The following COL5A3 variants were observed in gnomAD, a reference collection of about 807,000 sequenced individuals.
COL5A3 encodes collagen type V alpha 3 chain, also known as collagen alpha-3(V) chain.
In COL5A3, 172 loss-of-function variants were observed where a neutral mutation model predicts 250.0. The ratio of observed to expected loss-of-function variants is 0.69; its 90% CI spans 0.61 to 0.78. COL5A3 has a LOEUF of 0.78. Ranked by LOEUF, COL5A3 falls within the 30% of genes least tolerant of loss-of-function variation. The probability of loss-of-function intolerance (pLI) is 0.00; values close to 1 mark genes in which losing one functional copy is unlikely to be tolerated. For missense variants in COL5A3, 2,340 were observed against 2,334.4 expected, an observed-to-expected ratio of 1.00 and a Z score of -0.05; for synonymous variants, 937 against 900.4, an observed-to-expected ratio of 1.04 and a Z score of -0.73.
At position 9,979,975 on chromosome 19, in the gene COL5A3, T is replaced by G. The variant is rs1307686614; in HGVS notation, c.2658+19A>C. 1 of 1,579,496 alleles carries G rather than the reference T, an allele frequency of 6.3e-7. No individual in the cohort carries two copies. The highest frequency in any genetic ancestry group is 1.4e-5 in the African/African-American group (1 of 72,428). On this transcript the variant is annotated intron_variant, in intron 36 of 66. Coordinates refer to ENST00000264828, the MANE Select transcript of COL5A3 (RefSeq NM_015719.4). ...CATCCTCCACCCACCCAACCCCCAATGAGGGTGACCTCACTCACAGGGGGG... is the reference window on the plus strand; with the variant it reads ...CATCCTCCACCCACCCAACCCCCAAGGAGGGTGACCTCACTCACAGGGGGG...
chr19:9,989,699 C>G lies in COL5A3; in HGVS notation c.1993-177G>C, dbSNP rs2087158442. On this transcript the variant is annotated intron_variant, in intron 24 of 66. Coordinates refer to ENST00000264828, the MANE Select transcript of COL5A3 (RefSeq NM_015719.4). ...GTGTGACCCCAGGCAAGCCCATTTC[C>G]CTCTCTGATCCTCAGAAATCCACTG... is the stretch of plus-strand genomic sequence containing the variant. 5.3e-5 allele frequency among the ~76,000 whole-genome samples: 8 copies of G among 152,310 alleles called. 1 individual carries two copies. In the South Asian group the frequency reaches 1.7e-3, roughly 32 times the overall value.
intron 10 of COL5A3, among the ~76,000 whole-genome samples, 171 bp downstream of exon 10, chr19:9,997,813 C>T (rs1381324824): frequency 6.6e-6 from 1 of 152,066 alleles, no homozygotes; most frequent in Non-Finnish European, 1.5e-5. Flanking sequence ...CTATGTTGCC[C>T]AGTCTCTATA....
At chr19:10,006,300 G>A in intron 1 of COL5A3, 69 bp from the exon 2 acceptor site, 6 of 1,428,566 alleles carry the variant, frequency 4.2e-6, no homozygotes, top group Non-Finnish European at 5.6e-6. Flanking sequence ...CAGGACTCCA[G>A]GATAGAGGCT....
At position 9,962,835 on chromosome 19, in the gene COL5A3, A is replaced by G. The variant is rs775470366; in HGVS notation, c.4835T>C (p.Phe1612Ser). ...KEKPGGWYST[F>S]RRGKKFSYVD... ...GTGACTCACCTTCTTCCCTCGACGG[A>G]ATGTGCTATACCAGCCTCCAGGCTT... Residue 1612 changes from phenylalanine to serine, a missense_variant, in exon 65 of 67, where the codon TTC becomes TCC. Coordinates refer to ENST00000264828, the MANE Select transcript of COL5A3 (RefSeq NM_015719.4). The G allele has an allele frequency of 6.2e-7, 1 of 1,611,034 alleles. No homozygotes were observed. Among genetic ancestry groups the G allele is most frequent in the Non-Finnish European group, 8.5e-7 (1 of 1,178,640 alleles).
intron 31 of COL5A3, among the ~76,000 whole-genome samples, chr19:9,983,600 G>GAAAGAAAGAGAA (rs1278817642): frequency 1.9e-3 from 149 of 76,980 alleles, no homozygotes; most frequent in Non-Finnish European, 2.6e-3. Flanking sequence ...AAGAAAGAAA[G>GAAAGAAAGAGAA]AGAAAGAGAG....
chr19:9,982,238 C>G lies in COL5A3; in HGVS notation c.2407-120G>C, dbSNP rs1392282106. On this transcript the variant is annotated intron_variant, in intron 31 of 66. Transcript: ENST00000264828. ...CACTGATTCCAGAAGCTTCCTTGGT[C>G]TCTACAGCCCCAGCCTCCTACAAGG... The G allele has an allele frequency of 1.2e-5, 8 of 646,824 alleles. No homozygotes were observed. The African/African-American group carries it at 1.5e-4, about 12-fold the overall frequency. The allele number at this position is 646,824 out of a possible 1,614,324, so 40.1% of individuals were successfully genotyped here. A position where few individuals can be genotyped will look rare whatever the true frequency, so the allele number is the denominator to read the frequency against.
At position 9,968,663 on chromosome 19, in the gene COL5A3, T is replaced by C. The variant is rs2086788785; in HGVS notation, c.4206+12A>G. On this transcript the variant is annotated intron_variant, in intron 58 of 66. Coordinates refer to ENST00000264828, the MANE Select transcript of COL5A3 (RefSeq NM_015719.4). This position sits in a 1 kb window ranked among gnomAD's most constrained non-coding sequence, Gnocchi z 4.1. ...GGAGATGGGGAAGAGAATAATGGAA[T>C]GATGTCCTTACCTTTTCCCCCTTGG... The C allele has an allele frequency of 1.9e-6, 3 of 1,607,694 alleles. No homozygotes were observed. Among genetic ancestry groups the C allele is most frequent in the Non-Finnish European group, 2.5e-6 (3 of 1,177,318 alleles).
intron 31 of COL5A3, among the ~76,000 whole-genome samples, chr19:9,984,916 C>T (rs1223602626): frequency 1.3e-5 from 2 of 151,052 alleles, no homozygotes; most frequent in Non-Finnish European, 2.9e-5. Flanking sequence ...CTCAGCCTCC[C>T]AAGTAGCTGG....
intron 45 of COL5A3, 22 bp from the exon 46 acceptor site, chr19:9,974,430 C>T (rs747414817): frequency 1.9e-5 from 29 of 1,544,122 alleles, no homozygotes; most frequent in Middle Eastern, 3.5e-4. Flanking sequence ...CAAACAGGGG[C>T]ACATTTAAGG....
intron 66 of COL5A3, 37 bp downstream of exon 66, chr19:9,960,614 C>A: frequency 6.2e-7 from 1 of 1,613,594 alleles, no homozygotes; most frequent in South Asian, 1.1e-5. Flanking sequence ...GACATCTTGC[C>A]TCCCCTCTCT....
chr19:9,995,734 G>C lies in COL5A3; in HGVS notation c.1534-117C>G, dbSNP rs1405767606. 4.0e-6 allele frequency: 3 copies of C among 747,822 alleles called. No individual in the cohort carries two copies. In the East Asian group the frequency reaches 8.3e-5, roughly 21 times the overall value. 46.3% of individuals were successfully genotyped at this position (747,822 alleles called of 1,614,324 possible). On this transcript the variant is annotated intron_variant, in intron 15 of 66. Transcript: ENST00000264828. ...GCTGTATTGCCCAGGCCAGACACCT[G>C]GGCTCAAGCAATACTCCCTCCTCAG... is the stretch of plus-strand genomic sequence containing the variant.
rs1489888143 is a variant in COL5A3, at chr19:9,986,728, C to T, written c.2176G>A (p.Glu726Lys). ...GTSGNRGLQG[E>K]KGEKGEDGFP... is the part of the protein sequence containing the mutation. ...TCTCTCCTCACCTTCTCGCCTTTCT[C>T]CCCCTGGAGGCCCCGGTTGCCTGAA... is the stretch of plus-strand genomic sequence containing the variant. Residue 726 changes from glutamate (E) to lysine (K), a missense_variant, in exon 28 of 67, where the codon GAG becomes AAG. Physicochemically the swap from Glu to Lys is moderately conservative, Grantham distance 56. Coordinates refer to ENST00000264828, the MANE Select transcript of COL5A3 (RefSeq NM_015719.4). 2.5e-6 allele frequency: 4 copies of T among 1,613,650 alleles called. No homozygotes were observed. The South Asian group carries it at 3.3e-5, about 13-fold the overall frequency.
In COL5A3 at chr19:9,968,046, G is replaced by A. The variant is rs1353910819; in HGVS notation, c.4348C>T (p.Pro1450Ser). Reference sequence around the variant, plus strand: ...CTCACCGCCACACCTGGGGGCCCAGGGTGGCCCAGAGAGCCAATGGGACCA... The same window carrying A: ...CTCACCGCCACACCTGGGGGCCCAGAGTGGCCCAGAGAGCCAATGGGACCA... ...PPGPIGSLGH[P>S]GPPGVAGPLG... Residue 1450 changes from proline to serine, a missense_variant, in exon 60 of 67, where the codon CCT (proline) becomes TCT (serine). By Grantham distance (74) the Pro-to-Ser change is moderately conservative (BLOSUM62 -1). Coordinates refer to ENST00000264828, the MANE Select transcript of COL5A3 (RefSeq NM_015719.4). This position sits in a 1 kb window ranked among gnomAD's most constrained non-coding sequence, Gnocchi z 4.1. 4.4e-6 allele frequency: 7 copies of A among 1,590,620 alleles called. No homozygotes were observed. The highest frequency in any genetic ancestry group is 1.2e-5 in the South Asian group (1 of 86,614).
intron 45 of COL5A3, among the ~76,000 whole-genome samples, chr19:9,975,153 C>A (rs1165087817): frequency 6.6e-6 from 1 of 151,810 alleles, no homozygotes; most frequent in African/African-American, 2.4e-5. Flanking sequence ...TGGCTCACTG[C>A]AACCTCTGCC....
At chr19:9,966,281 TG>T (rs1568403273) in intron 64 of COL5A3, 32 bp downstream of exon 64, 3 of 1,538,152 alleles carry the variant, frequency 2.0e-6, no homozygotes, top group Non-Finnish European at 1.8e-6. Context: ...CAGCACTTCC[TG>T]GGGGAGGCGA....
Position 9,989,238 on chromosome 19 carries a change from C to T in COL5A3, c.2092-61G>A. 4 of 1,610,282 alleles carry T rather than the reference C, an allele frequency of 2.5e-6. No homozygotes were observed. In the Admixed American group the frequency reaches 6.7e-5, roughly 27 times the overall value. Reference sequence around the variant, plus strand: ...GTCCCTTCCACATTCTAAGAGCCCTCATCTCTCTCCTCTGTGGCCCCTGAC... The same window carrying T: ...GTCCCTTCCACATTCTAAGAGCCCTTATCTCTCTCCTCTGTGGCCCCTGAC... On this transcript the variant is annotated intron_variant, in intron 26 of 66. Transcript: ENST00000264828.
In COL5A3 at chr19:9,960,710, C is replaced by T. The variant is rs2086661179; in HGVS notation, c.5032G>A (p.Glu1678Lys). 6.2e-7 allele frequency: 1 copy of T among 1,614,062 alleles called. No individual in the cohort carries two copies. The highest frequency in any genetic ancestry group is 8.5e-7 in the Non-Finnish European group (1 of 1,180,034). The change falls in exon 66 of 67, where the codon GAG becomes AAG. Residue 1678 changes from glutamate to lysine, a missense_variant. Physicochemically the swap from Glu to Lys is moderately conservative, Grantham distance 56. This residue lies in a region of COL5A3 where 1,179 missense variants were observed against 1,162.6 expected (regional missense o/e 1.01). Coordinates refer to ENST00000264828, the MANE Select transcript of COL5A3 (RefSeq NM_015719.4). ...SARFLGTNGE[E>K]LSFNQTTAAT... The stretch of plus-strand genomic sequence containing the variant: ...GCTGTCGTCTGGTTGAAAGACAGCT[C>T]CTCTCCATTGGTGCCAAGGAAGCGG...
At chr19:9,987,203 T>C (rs2087113101) in intron 27 of COL5A3, among the ~76,000 whole-genome samples, 1 of 152,260 alleles carries the variant, frequency 6.6e-6, no homozygotes, top group Admixed American at 6.5e-5. Context: ...CACACCAAAC[T>C]CTGAAAACTG....
intron 61 of COL5A3, 68 bp downstream of exon 61, chr19:9,967,836 G>A: frequency 6.8e-7 from 1 of 1,467,222 alleles, no homozygotes; most frequent in Non-Finnish European, 9.3e-7. Flanking sequence ...GAGACGTGGA[G>A]GGTTCTGGTG....
Sources: allele counts gnomAD v4.1 joint callset (sites outside exome capture counted in the v4.1 genomes callset), GRCh38; gene constraint gnomAD v4.1.1; regional missense constraint gnomAD v4.1.1; non-coding constraint Gnocchi (gnomAD v3.1); transcripts MANE v1.5; gene names NCBI Gene and HGNC (gene_info 2026-07-23, HGNC 2026-07-21).